The following UNC5D variants were observed in gnomAD, a reference collection of about 807,000 sequenced individuals.
The protein encoded by UNC5D is netrin receptor UNC5D.
Under a neutral mutation model 105.4 loss-of-function variants are expected in UNC5D, and 39 were observed. The observed-to-expected ratio is 0.37, with a 90% CI of 0.29 to 0.48. The LOEUF (loss-of-function observed/expected upper bound fraction) is 0.48. UNC5D is among the 20% of genes least tolerant of loss of function. The pLI, the probability that UNC5D is intolerant of heterozygous loss-of-function variation, is 0.98. For synonymous variants in UNC5D, 452 were observed against 450.4 expected (o/e 1.00, Z -0.04); for missense variants, 991 against 1,202.4 (o/e 0.82, Z 2.60).
At chr8:35,562,152 T>TTG (rs1312032817) in intron 2 of UNC5D, among the ~76,000 whole-genome samples, 1 of 152,222 alleles carries the variant, frequency 6.6e-6, no homozygotes, top group Non-Finnish European at 1.5e-5. Flanking sequence ...CTTATTGCAC[T>TTG]TAACATATGA....
intron 1 of UNC5D, among the ~76,000 whole-genome samples, chr8:35,498,935 T>C (rs772970694): frequency 1.8e-4 from 27 of 152,168 alleles, no homozygotes; most frequent in Non-Finnish European, 7.3e-5. Context: ...AGCAATGCTT[T>C]GAAACTTTTC....
At chr8:35,626,329 A>G (rs914575049) in intron 4 of UNC5D, among the ~76,000 whole-genome samples, 16 of 151,832 alleles carry the variant, frequency 1.1e-4, no homozygotes, top group African/African-American at 3.9e-4. Flanking sequence ...ACCCATAAAA[A>G]TATCTATATG....
intron 1 of UNC5D, among the ~76,000 whole-genome samples, chr8:35,410,192 T>C (rs1290074779): frequency 6.6e-6 from 1 of 152,056 alleles, no homozygotes; most frequent in Admixed American, 6.6e-5. Flanking sequence ...AAGCATTCAA[T>C]AAATACTTAC....
At position 35,512,908 on chromosome 8, in the gene UNC5D, G is replaced by A. The variant is rs557533088; in HGVS notation, c.104-36384G>A. Among the ~76,000 whole-genome samples, 19 of 151,764 alleles carry A rather than the reference G, an allele frequency of 1.3e-4. No homozygotes were observed. In the East Asian group the frequency reaches 3.3e-3, roughly 27 times the overall value. On this transcript the variant is annotated intron_variant, in intron 1 of 16. Coordinates refer to ENST00000404895, the MANE Select transcript of UNC5D (RefSeq NM_080872.4). ...ATTACCCAAACTGGCCTTGACCTCC[G>A]GACCTCAAGCAATCTGCCTACCTCA...
At chr8:35,596,637 A>G (rs1354968025) in intron 4 of UNC5D, among the ~76,000 whole-genome samples, 1 of 152,162 alleles carries the variant, frequency 6.6e-6, no homozygotes, top group Non-Finnish European at 1.5e-5. Context: ...CAACATATGT[A>G]AGACAAACAT....
At chr8:35,443,562 T>C (rs1807573928) in intron 1 of UNC5D, among the ~76,000 whole-genome samples, 1 of 151,830 alleles carries the variant, frequency 6.6e-6, no homozygotes, top group Non-Finnish European at 1.5e-5. Flanking sequence ...AGCTGACAGA[T>C]CTCAATGGGA....
At chr8:35,486,808 G>A (rs1045768981) in intron 1 of UNC5D, among the ~76,000 whole-genome samples, 6 of 152,120 alleles carry the variant, frequency 3.9e-5, no homozygotes, top group Admixed American at 3.3e-4. Context: ...TGGCTACTCC[G>A]TATATTAGTA....
At chr8:35,381,056 T>A (rs1275514938) in intron 1 of UNC5D, among the ~76,000 whole-genome samples, 2 of 150,604 alleles carry the variant, frequency 1.3e-5, no homozygotes, top group South Asian at 2.1e-4. Context: ...AGAGAGAGAG[T>A]AAGTGAGTGA....
At chr8:35,253,978 T>A (rs140557148) in intron 1 of UNC5D, among the ~76,000 whole-genome samples, 1 of 152,340 alleles carries the variant, frequency 6.6e-6, no homozygotes, top group Non-Finnish European at 1.5e-5. Context: ...TATTTCCTAC[T>A]GTTCCCTTCA....
chr8:35,656,104 G>A (rs1195402363), intron 4 of UNC5D, among the ~76,000 whole-genome samples: 1 of 152,128 alleles, frequency 6.6e-6, no homozygotes, highest in Non-Finnish European at 1.5e-5. Flanking sequence ...GGGAGAGATA[G>A]GATCTGTCTC....
At chr8:35,251,779 A>G (rs1803713859) in intron 1 of UNC5D, among the ~76,000 whole-genome samples, 1 of 152,134 alleles carries the variant, frequency 6.6e-6, no homozygotes, top group Admixed American at 6.6e-5. Context: ...AAATGATAAG[A>G]GGCCATATTT....
intron 13 of UNC5D, 38 bp from the exon 14 acceptor site, chr8:35,759,282 T>TGA: frequency 3.1e-6 from 5 of 1,607,744 alleles, no homozygotes; most frequent in Non-Finnish European, 4.2e-6. Context: ...AGCAGGATAT[T>TGA]TCATTATTGA....
intron 1 of UNC5D, among the ~76,000 whole-genome samples, chr8:35,268,961 G>A (rs1423874674): frequency 6.6e-6 from 1 of 152,078 alleles, no homozygotes; most frequent in Non-Finnish European, 1.5e-5. Context: ...TCACTAACCT[G>A]GAGGATGAAC....
chr8:35,742,910 A>C (rs544124583), intron 11 of UNC5D, among the ~76,000 whole-genome samples: 1 of 152,262 alleles, frequency 6.6e-6, no homozygotes, highest in Admixed American at 6.5e-5. Context: ...CACCTTCATC[A>C]TCCTCCACTG....
At chr8:35,335,826 C>G (rs772724653) in intron 1 of UNC5D, among the ~76,000 whole-genome samples, 5 of 137,250 alleles carry the variant, frequency 3.6e-5, no homozygotes, top group East Asian at 4.2e-4. Context: ...TGCAGTGGCA[C>G]GATCTCGACT....
At chr8:35,288,689 G>T (rs1806802831) in intron 1 of UNC5D, among the ~76,000 whole-genome samples, 1 of 152,102 alleles carries the variant, frequency 6.6e-6, no homozygotes, top group Non-Finnish European at 1.5e-5. Flanking sequence ...AAAAACAAAT[G>T]TAAATTTGGA....
intron 3 of UNC5D, among the ~76,000 whole-genome samples, chr8:35,582,300 A>AAGCATCTTCCTGATGCAGTGGT (rs1818511875): frequency 6.6e-6 from 1 of 152,162 alleles, no homozygotes; most frequent in African/African-American, 2.4e-5. Context: ...TTTTCCTGGA[A>AAGCATCTTCCTGATGCAGTGGT]AGCATCTTCC....
At chr8:35,337,385 T>G (rs1168192509) in intron 1 of UNC5D, among the ~76,000 whole-genome samples, 1 of 152,274 alleles carries the variant, frequency 6.6e-6, no homozygotes, top group Admixed American at 6.5e-5. Context: ...TAGATCTTGC[T>G]TTTAAACAAA....
At chr8:35,292,312 A>T (rs755953403) in intron 1 of UNC5D, among the ~76,000 whole-genome samples, 1 of 152,236 alleles carries the variant, frequency 6.6e-6, no homozygotes, top group Non-Finnish European at 1.5e-5. Context: ...TTTATCTATT[A>T]TGTGAGGATT....
Sources: allele counts gnomAD v4.1 joint callset (sites outside exome capture counted in the v4.1 genomes callset), GRCh38; gene constraint gnomAD v4.1.1; transcripts MANE v1.5; gene names NCBI Gene and HGNC (gene_info 2026-07-23, HGNC 2026-07-21).